LEPR: variants seen among roughly 807,000 people sequenced by gnomAD.
LEPR encodes leptin receptor.
A neutral mutation model predicts 114.7 loss-of-function variants in LEPR; 56 were observed. The observed-to-expected ratio is 0.49, with a 90% CI of 0.39 to 0.61. The LOEUF is 0.61. LEPR is among the 20% of genes least tolerant of loss of function. The probability of loss-of-function intolerance (pLI) is 0.00; values close to 1 mark genes in which losing one functional copy is unlikely to be tolerated. For missense variants in LEPR, 1,202 were observed against 1,352.9 expected (o/e 0.89, Z 1.75); for synonymous variants, 443 against 461.4 (o/e 0.96, Z 0.51).
At chr1:65,501,885 C>A (rs916608350) in intron 2 of LEPR, among the ~76,000 whole-genome samples, 2 of 152,110 alleles carry the variant, frequency 1.3e-5, no homozygotes, top group Non-Finnish European at 2.9e-5. Flanking sequence ...TTTAGAACCA[C>A]ACTTGAGGTG....
chr1:65,536,323 C>A (rs1196931409), intron 2 of LEPR, among the ~76,000 whole-genome samples: 1 of 152,146 alleles, frequency 6.6e-6, no homozygotes, highest in Non-Finnish European at 1.5e-5. Flanking sequence ...CCTTTGCCTG[C>A]ACTATGAGTG....
At chr1:65,590,278 A>G (rs1655602304) in intron 5 of LEPR, among the ~76,000 whole-genome samples, 1 of 65,886 alleles carries the variant, frequency 1.5e-5, no homozygotes, top group South Asian at 4.8e-4. Context: ...TCCTTTTAAT[A>G]TCTGTAGACT....
chr1:65,626,823 T>G (rs534609931), intron 19 of LEPR, among the ~76,000 whole-genome samples: 1 of 152,014 alleles, frequency 6.6e-6, no homozygotes, highest in Non-Finnish European at 1.5e-5. Context: ...TTTGTAGATA[T>G]GGGGTTTTGT....
At chr1:65,465,691 T>G (rs1037190986) in intron 2 of LEPR, among the ~76,000 whole-genome samples, 2 of 152,200 alleles carry the variant, frequency 1.3e-5, no homozygotes, top group Admixed American at 1.3e-4. Context: ...AGGACTTGCT[T>G]TATGAATCTG....
Position 65,528,195 on chromosome 1 carries a change from T to C in LEPR, c.-20-37351T>C, listed in dbSNP as rs550580175. ...AAAAAAGAACTCTCTTGGCAGATATTGTACTGCATTTTTCATACTGAGAGC... is the reference window on the plus strand; with the variant it reads ...AAAAAAGAACTCTCTTGGCAGATATCGTACTGCATTTTTCATACTGAGAGC... On this transcript the variant is annotated intron_variant, in intron 2 of 19. Coordinates refer to ENST00000349533, the MANE Select transcript of LEPR (RefSeq NM_002303.6). 2.4e-3 allele frequency among the ~76,000 whole-genome samples: 364 copies of C among 151,508 alleles called. 2 individuals carry two copies. Among genetic ancestry groups the C allele is most frequent in the African/African-American group, 8.2e-3 (341 of 41,374 alleles).
chr1:65,496,496 G>A (rs773017110), intron 2 of LEPR, among the ~76,000 whole-genome samples: 1 of 152,148 alleles, frequency 6.6e-6, no homozygotes, highest in Non-Finnish European at 1.5e-5. Context: ...AGGATGGCTT[G>A]AGCTTGGGAG....
chr1:65,495,347 A>C (rs1359783389), intron 2 of LEPR, among the ~76,000 whole-genome samples: 1 of 152,326 alleles, frequency 6.6e-6, no homozygotes. Flanking sequence ...CCATGATAAC[A>C]TATTACCTCA....
intron 2 of LEPR, among the ~76,000 whole-genome samples, chr1:65,507,706 G>A (rs1044799287): frequency 1.3e-5 from 2 of 151,808 alleles, no homozygotes; most frequent in Non-Finnish European, 2.9e-5. Flanking sequence ...ATACCCAGAG[G>A]TAGAATTTCT....
chr1:65,481,659 C>T (rs1290452985), intron 2 of LEPR, among the ~76,000 whole-genome samples: 2 of 151,316 alleles, frequency 1.3e-5, no homozygotes, highest in African/African-American at 2.4e-5. Flanking sequence ...GTACAAAAAT[C>T]CCAGACTTTA....
chr1:65,425,161 A>C, intron 1 of LEPR, 142 bp from the exon 2 acceptor site: 4 of 655,766 alleles, frequency 6.1e-6, no homozygotes, highest in Non-Finnish European at 1.1e-5. Flanking sequence ...TGCAGCCATC[A>C]CTACTATCTA....
At position 65,621,395 on chromosome 1, in the gene LEPR, T is replaced by C; in HGVS notation, c.2534T>C (p.Ile845Thr). The change falls in exon 18 of 20, where the codon ATT (isoleucine) becomes ACT (threonine). Residue 845 changes from isoleucine (I) to threonine (T), a missense_variant. Coordinates refer to ENST00000349533, the MANE Select transcript of LEPR (RefSeq NM_002303.6). ...CAGAGTGATGCAGGTTTATATGTAATTGTGCCAGTAATTATTTCCTCTTCC... is the reference window on the plus strand; with the variant it reads ...CAGAGTGATGCAGGTTTATATGTAACTGTGCCAGTAATTATTTCCTCTTCC... ...KHQSDAGLYV[I>T]VPVIISSSIL... 1.9e-6 allele frequency: 3 copies of C among 1,613,470 alleles called. No homozygotes were observed. Among genetic ancestry groups the C allele is most frequent in the Middle Eastern group, 1.7e-4 (1 of 6,052 alleles).
chr1:65,634,087 C>G, intron 19 of LEPR: 3 of 985,340 alleles, frequency 3.0e-6, no homozygotes, highest in Non-Finnish European at 3.6e-6. Flanking sequence ...GAGGACAGAA[C>G]TTTTCTACTT....
intron 2 of LEPR, among the ~76,000 whole-genome samples, chr1:65,509,466 C>A (rs1236987268): frequency 6.6e-6 from 1 of 152,040 alleles, no homozygotes; most frequent in African/African-American, 2.4e-5. Context: ...GTCCTTCATT[C>A]TGTGGGCATT....
At chr1:65,425,259 A>T (rs766620727) in intron 1 of LEPR, 44 bp from the exon 2 acceptor site, 19 of 1,562,150 alleles carry the variant, frequency 1.2e-5, no homozygotes, top group Admixed American at 1.7e-5. Context: ...GTGCCTGACA[A>T]CCTCTACTGT....
intron 2 of LEPR, among the ~76,000 whole-genome samples, chr1:65,466,878 G>A (rs1206612082): frequency 6.6e-6 from 1 of 152,114 alleles, no homozygotes; most frequent in African/African-American, 2.4e-5. Context: ...AGCTCCATCA[G>A]GTCATTTAAG....
intron 2 of LEPR, chr1:65,433,439 A>T (rs1646516016): frequency 1.0e-6 from 1 of 985,432 alleles, no homozygotes; most frequent in South Asian, 4.7e-5. Flanking sequence ...TGAGAAAGGG[A>T]AATATGGGAA....
intron 2 of LEPR, chr1:65,434,115 A>T: frequency 1.0e-6 from 1 of 984,472 alleles, no homozygotes; most frequent in Non-Finnish European, 1.2e-6. Flanking sequence ...GTATCTTTAG[A>T]TTGATATAAA....
intron 2 of LEPR, chr1:65,429,797 A>G (rs887332798): frequency 8.0e-7 from 1 of 1,252,956 alleles, no homozygotes; most frequent in Admixed American, 2.7e-5. Flanking sequence ...AAATAGTAGT[A>G]TGTCTTTCAT....
At chr1:65,483,200 C>T (rs148429295) in intron 2 of LEPR, among the ~76,000 whole-genome samples, 3 of 151,388 alleles carry the variant, frequency 2.0e-5, no homozygotes, top group East Asian at 3.9e-4. Context: ...TGTGTGTGTG[C>T]GTGTGTGTAT....
Sources: allele counts gnomAD v4.1 joint callset (sites outside exome capture counted in the v4.1 genomes callset), GRCh38; gene constraint gnomAD v4.1.1; transcripts MANE v1.5; gene names NCBI Gene and HGNC (gene_info 2026-07-23, HGNC 2026-07-21).